Variants in AEBP2 observed in about 807,000 individuals in gnomAD.
AEBP2 encodes the protein AE binding protein 2.
Under a neutral mutation model 50.8 loss-of-function variants are expected in AEBP2, and 10 were observed. The ratio of observed to expected loss-of-function variants is 0.20; its 90% CI spans 0.12 to 0.33. The LOEUF (loss-of-function observed/expected upper bound fraction) is 0.33. Ranked by LOEUF, AEBP2 falls within the 10% of genes least tolerant of loss-of-function variation. AEBP2 has a pLI of 1.00. For synonymous variants in AEBP2, 296 were observed against 261.3 expected (o/e 1.13, Z -1.28); for missense variants, 570 against 688.0 (o/e 0.83, Z 1.92).
At position 19,494,426 on chromosome 12, in the gene AEBP2, A is replaced by C. The variant is rs1565730181; in HGVS notation, c.1174+440A>C. Among the ~76,000 whole-genome samples, 6 of 150,860 alleles carry C rather than the reference A, an allele frequency of 4.0e-5. No individual in the cohort carries two copies. The South Asian group carries it at 1.3e-3, about 32-fold the overall frequency. ...ACTTGAACCTGGGAGACAGAGTGAG[A>C]CCCTGTCTCAAAAAACCAACAACAA... On this transcript the variant is annotated intron_variant, in intron 4 of 7. Coordinates refer to ENST00000266508, the MANE Select transcript of AEBP2 (RefSeq NM_153207.5).
chr12:19,478,951 G>T (rs1948688872), intron 3 of AEBP2, among the ~76,000 whole-genome samples: 1 of 152,136 alleles, frequency 6.6e-6, no homozygotes, highest in African/African-American at 2.4e-5. Flanking sequence ...GCCAGGCATG[G>T]TAGGTCTCGC....
Position 19,470,701 on chromosome 12 carries a change from C to T in AEBP2, c.880-2547C>T, listed in dbSNP as rs562631130. 4.6e-5 allele frequency among the ~76,000 whole-genome samples: 7 copies of T among 152,204 alleles called. No individual in the cohort carries two copies. In the South Asian group the frequency reaches 1.2e-3, roughly 27 times the overall value. On this transcript the variant is annotated intron_variant, in intron 2 of 7. Coordinates refer to ENST00000266508, the MANE Select transcript of AEBP2 (RefSeq NM_153207.5). ...CATTATCTCTATAGTCATGTTTGCTCATAGGAAAAAAATTAGAAGCCAGAT... is the reference window on the plus strand; with the variant it reads ...CATTATCTCTATAGTCATGTTTGCTTATAGGAAAAAAATTAGAAGCCAGAT...
intron 4 of AEBP2, among the ~76,000 whole-genome samples, chr12:19,497,078 A>G (rs1238390965): frequency 2.6e-5 from 4 of 151,688 alleles, no homozygotes; most frequent in Non-Finnish European, 5.9e-5. Flanking sequence ...AAGTGGAAAG[A>G]ATAGTATAAT....
At chr12:19,493,725 G>A in intron 3 of AEBP2, 75 bp from the exon 4 acceptor site, 1 of 1,369,324 alleles carries the variant, frequency 7.3e-7, no homozygotes, top group Non-Finnish European at 1.0e-6. Flanking sequence ...GAAAATACTA[G>A]ATATTCACTC....
chr12:19,446,770 T>C (rs1428505866), intron 1 of AEBP2, among the ~76,000 whole-genome samples: 1 of 139,020 alleles, frequency 7.2e-6, no homozygotes. Flanking sequence ...CTACAAAAAA[T>C]GAAAAAATTA....
chr12:19,460,024 A>G (rs1468907968), intron 1 of AEBP2, among the ~76,000 whole-genome samples: 4 of 152,204 alleles, frequency 2.6e-5, no homozygotes, highest in African/African-American at 9.6e-5. Flanking sequence ...CCTGGACAAC[A>G]TAAAGAGACC....
intron 1 of AEBP2, among the ~76,000 whole-genome samples, chr12:19,447,953 ATCT>A (rs1309050709): frequency 1.3e-5 from 2 of 152,196 alleles, no homozygotes; most frequent in South Asian, 2.1e-4. Flanking sequence ...ATAATGGATT[ATCT>A]TCTTTAGACA....
intron 1 of AEBP2, among the ~76,000 whole-genome samples, chr12:19,456,080 C>G (rs7959764): frequency 0.014 from 2,085 of 152,010 alleles, 38 homozygotes; most frequent in African/African-American, 0.048. Flanking sequence ...AAAAGAAAAC[C>G]AAAGTGGTCC....
intron 1 of AEBP2, among the ~76,000 whole-genome samples, chr12:19,416,777 C>G (rs1043623291): frequency 2.6e-5 from 4 of 151,916 alleles, no homozygotes; most frequent in Admixed American, 2.6e-4. Flanking sequence ...GTCTTGAACT[C>G]CTGACCTCAG....
At chr12:19,514,877 A>G (rs1949296072) in intron 7 of AEBP2, 93 bp downstream of exon 7, 1 of 875,208 alleles carries the variant, frequency 1.1e-6, no homozygotes, top group Admixed American at 2.7e-5. Flanking sequence ...TTAAGTGCTG[A>G]ATTTTAATAC....
At chr12:19,501,727 G>A (rs1051281837) in intron 5 of AEBP2, among the ~76,000 whole-genome samples, 1 of 148,176 alleles carries the variant, frequency 6.7e-6, no homozygotes, top group African/African-American at 2.5e-5. Context: ...AATACAAAAG[G>A]TCCTTATTGA....
At chr12:19,481,653 A>G (rs1243083375) in intron 3 of AEBP2, among the ~76,000 whole-genome samples, 2 of 151,110 alleles carry the variant, frequency 1.3e-5, no homozygotes, top group Admixed American at 1.3e-4. Flanking sequence ...TAAATTTTGT[A>G]TTTTTAGTAG....
intron 5 of AEBP2, 55 bp from the exon 6 acceptor site, chr12:19,512,343 A>G (rs1051421460): frequency 1.7e-5 from 22 of 1,275,846 alleles, no homozygotes; most frequent in East Asian, 5.1e-5. Context: ...TTAACAATAC[A>G]TGAAAATGAT....
At chr12:19,419,254 C>G (rs997608202) in intron 1 of AEBP2, 1 of 152,844 alleles carries the variant, frequency 6.5e-6, no homozygotes, top group African/African-American at 2.4e-5. Context: ...CGGCTCCCAG[C>G]GCCGCCGCTT....
chr12:19,486,095 G>T (rs1392821726), intron 3 of AEBP2, among the ~76,000 whole-genome samples: 3 of 151,886 alleles, frequency 2.0e-5, no homozygotes, highest in Non-Finnish European at 4.4e-5. Context: ...GAATATTTCA[G>T]TAAGACAAGA....
chr12:19,431,882 G>A (rs1245168996), intron 1 of AEBP2, among the ~76,000 whole-genome samples: 10 of 152,128 alleles, frequency 6.6e-5, no homozygotes, highest in African/African-American at 2.2e-4. Context: ...TCAACACACA[G>A]AACCTAAATA....
At chr12:19,441,931 C>A (rs1947967775) in intron 1 of AEBP2, among the ~76,000 whole-genome samples, 2 of 152,090 alleles carry the variant, frequency 1.3e-5, no homozygotes, top group African/African-American at 4.8e-5. Context: ...TAGATGTCTT[C>A]CATTTCATTC....
chr12:19,438,063 A>G (rs1295929775), upstream of AEBP2, among the ~76,000 whole-genome samples: 2 of 152,178 alleles, frequency 1.3e-5, no homozygotes, highest in African/African-American at 4.8e-5. Flanking sequence ...CTACTTTACA[A>G]AAGAAAGGCA....
At chr12:19,447,823 ATTGAT>A (rs1435658093) in intron 1 of AEBP2, among the ~76,000 whole-genome samples, 1 of 152,152 alleles carries the variant, frequency 6.6e-6, no homozygotes, top group Non-Finnish European at 1.5e-5. Context: ...TGAAGCTCAG[ATTGAT>A]TCTTTTTCTT....
Sources: allele counts gnomAD v4.1 joint callset (sites outside exome capture counted in the v4.1 genomes callset), GRCh38; gene constraint gnomAD v4.1.1; transcripts MANE v1.5; gene names NCBI Gene and HGNC (gene_info 2026-07-23, HGNC 2026-07-21).